Variants in CCSER1 observed in about 807,000 individuals in gnomAD.
The protein encoded by CCSER1 is coiled-coil serine rich protein 1.
CCSER1 carries 41 observed loss-of-function variants against 82.0 expected under a neutral mutation model. That is an observed-to-expected ratio of 0.50 (90% CI 0.39 to 0.65). The LOEUF is 0.65. Ranked by LOEUF, CCSER1 falls within the 30% of genes least tolerant of loss-of-function variation. The pLI, the probability that CCSER1 is intolerant of heterozygous loss-of-function variation, is 0.00. For missense variants in CCSER1, 1,119 were observed against 1,064.2 expected (o/e 1.05, Z -0.72); for synonymous variants, 414 against 383.9 (o/e 1.08, Z -0.92).
intron 8 of CCSER1, among the ~76,000 whole-genome samples, chr4:90,900,234 G>T (rs1724429734): frequency 6.6e-6 from 1 of 151,166 alleles, no homozygotes; most frequent in Non-Finnish European, 1.5e-5. Flanking sequence ...TTACCTTTGG[G>T]TTTTCTAGAT....
chr4:90,866,311 G>A lies in CCSER1; in HGVS notation c.2094+50466G>A, dbSNP rs566161645. Among the ~76,000 whole-genome samples the A allele has an allele frequency of 2.0e-5, 3 of 152,112 alleles. No individual in the cohort carries two copies. The South Asian group carries it at 6.2e-4, about 32-fold the overall frequency. ...ATATTTGAGCATGTTATAAATGAGT[G>A]AGTAGCCGAAGTAATGAAGCAAATT... On this transcript the variant is annotated intron_variant, in intron 8 of 10. Coordinates refer to ENST00000509176, the MANE Select transcript of CCSER1 (RefSeq NM_001145065.2).
chr4:91,409,449 T>G (rs894012416), intron 10 of CCSER1, among the ~76,000 whole-genome samples: 2 of 152,156 alleles, frequency 1.3e-5, no homozygotes, highest in South Asian at 2.1e-4. Flanking sequence ...ATTTAAATGT[T>G]TCTGTAGTTT....
intron 1 of CCSER1, among the ~76,000 whole-genome samples, chr4:90,166,582 G>A (rs781774431): frequency 3.9e-5 from 6 of 151,966 alleles, no homozygotes; most frequent in Admixed American, 6.6e-5. Context: ...AATGTCATTC[G>A]TATAATAAAA....
chr4:91,350,174 T>C (rs1748377219), intron 10 of CCSER1, among the ~76,000 whole-genome samples: 1 of 152,204 alleles, frequency 6.6e-6, no homozygotes, highest in South Asian at 2.1e-4. Context: ...ATGTAAACTT[T>C]TATTTAATCA....
chr4:91,050,438 A>C (rs1257093506), intron 9 of CCSER1, among the ~76,000 whole-genome samples: 1 of 151,940 alleles, frequency 6.6e-6, no homozygotes, highest in Non-Finnish European at 1.5e-5. Flanking sequence ...CTCAAAAAAA[A>C]AAAAAATGCA....
chr4:91,131,651 G>A (rs1221489003), intron 10 of CCSER1, among the ~76,000 whole-genome samples: 2 of 152,014 alleles, frequency 1.3e-5, no homozygotes, highest in Admixed American at 1.3e-4. Context: ...TGTTGATCTA[G>A]ATAGGTAGAT....
chr4:91,588,019 A>T (rs1560783721), intron 10 of CCSER1, among the ~76,000 whole-genome samples: 1 of 151,672 alleles, frequency 6.6e-6, no homozygotes, highest in African/African-American at 2.4e-5. Context: ...CAATAAAATG[A>T]AAATAATTGA....
In CCSER1 at chr4:90,294,678, C is replaced by T. The variant is rs188774197; in HGVS notation, c.-41-13566C>T. On this transcript the variant is annotated intron_variant, in intron 1 of 10. Coordinates refer to ENST00000509176, the MANE Select transcript of CCSER1 (RefSeq NM_001145065.2). ...TTAAATAGGCTATATATCTCATACT[C>T]CCTTATTTTGATTTTTAAAGTCTTA... 9.2e-5 allele frequency among the ~76,000 whole-genome samples: 14 copies of T among 152,050 alleles called. No homozygotes were observed. In the South Asian group the frequency reaches 2.1e-3, roughly 23 times the overall value.
chr4:90,492,866 G>A (rs935157908), intron 5 of CCSER1, among the ~76,000 whole-genome samples: 1 of 152,106 alleles, frequency 6.6e-6, no homozygotes. Context: ...TAGTTTTATT[G>A]CACTGTGATC....
chr4:90,471,074 T>C (rs1764335011), intron 5 of CCSER1, among the ~76,000 whole-genome samples: 1 of 152,174 alleles, frequency 6.6e-6, no homozygotes, highest in Non-Finnish European at 1.5e-5. Flanking sequence ...ATTTTAAAAG[T>C]CAGAATTCTT....
chr4:90,811,957 CATATATATACACATATAT>C (rs1396741074), intron 7 of CCSER1, among the ~76,000 whole-genome samples: 27 of 105,560 alleles, frequency 2.6e-4, no homozygotes, highest in African/African-American at 9.4e-4. Flanking sequence ...AATAAACTCA[CATATATATACACATATAT>C]ATATATATAT....
At position 90,617,869 on chromosome 4, in the gene CCSER1, C is replaced by T. The variant is rs79185817; in HGVS notation, c.1725-10156C>T. Among the ~76,000 whole-genome samples the T allele has an allele frequency of 4.0e-3, 608 of 152,164 alleles. 4 individuals carry two copies. The highest frequency in any genetic ancestry group is 0.014 in the African/African-American group (578 of 41,564). On this transcript the variant is annotated intron_variant, in intron 5 of 10. Transcript: ENST00000509176. Reference sequence around the variant, plus strand: ...TTGTTTGTTCCTTGCAACAGATGTTCATACTTTGACAGTTCTATTGTATAT... The same window carrying T: ...TTGTTTGTTCCTTGCAACAGATGTTTATACTTTGACAGTTCTATTGTATAT...
chr4:91,462,422 C>T (rs1756560925), intron 10 of CCSER1, among the ~76,000 whole-genome samples: 1 of 152,116 alleles, frequency 6.6e-6, no homozygotes, highest in African/African-American at 2.4e-5. Context: ...TCTACAGCTC[C>T]TAGCGTCAGC....
At chr4:90,883,140 A>G (rs1413590121) in intron 8 of CCSER1, among the ~76,000 whole-genome samples, 1 of 152,002 alleles carries the variant, frequency 6.6e-6, no homozygotes, top group African/African-American at 2.4e-5. Context: ...ACTCATAGTC[A>G]TAGCACCATA....
At chr4:91,066,085 A>G (rs1451327821) in intron 9 of CCSER1, among the ~76,000 whole-genome samples, 3 of 152,158 alleles carry the variant, frequency 2.0e-5, no homozygotes, top group Non-Finnish European at 4.4e-5. Flanking sequence ...ATTGCTTTCA[A>G]TTGGAATGAG....
chr4:91,396,073 A>C (rs1196180559), intron 10 of CCSER1, among the ~76,000 whole-genome samples: 1 of 152,088 alleles, frequency 6.6e-6, no homozygotes, highest in African/African-American at 2.4e-5. Flanking sequence ...CCTCAGACCT[A>C]GTACTTGAAA....
chr4:90,187,333 GT>G (rs2153392336), intron 1 of CCSER1, among the ~76,000 whole-genome samples: 1 of 148,728 alleles, frequency 6.7e-6, no homozygotes, highest in South Asian at 2.1e-4. Flanking sequence ...CAATGACATT[GT>G]AGATTTGATA....
intron 6 of CCSER1, among the ~76,000 whole-genome samples, chr4:90,698,616 T>A (rs972547247): frequency 6.6e-5 from 10 of 152,206 alleles, no homozygotes; most frequent in African/African-American, 1.7e-4. Flanking sequence ...TATGGTCAAT[T>A]TTAAACTACC....
intron 10 of CCSER1, among the ~76,000 whole-genome samples, chr4:91,461,887 A>G (rs1756521137): frequency 6.6e-6 from 1 of 152,232 alleles, no homozygotes; most frequent in Admixed American, 6.5e-5. Context: ...ACTAAGGACC[A>G]TAGCCCATTT....
Sources: gnomAD v4.1 joint callset for allele counts (sites outside exome capture counted in the v4.1 genomes callset) on GRCh38, gnomAD v4.1.1 for gene constraint, MANE v1.5 for transcripts, NCBI Gene and HGNC (gene_info 2026-07-23, HGNC 2026-07-21) for gene names.